The following SLC25A16 variants were observed in gnomAD, a reference collection of about 807,000 sequenced individuals.
SLC25A16 encodes solute carrier family 25 member 16.
A neutral mutation model predicts 41.5 loss-of-function variants in SLC25A16; 39 were observed. The observed-to-expected ratio is 0.94, with a 90% CI of 0.73 to 1.23. The LOEUF is 1.23. Among genes scored for constraint, SLC25A16 ranks in the 50% most tolerant of loss-of-function variants. SLC25A16 has a pLI of 0.00. For synonymous variants in SLC25A16, 146 were observed against 147.8 expected (o/e 0.99, Z 0.09); for missense variants, 421 against 426.9 (o/e 0.99, Z 0.12).
At chr10:68,503,741 T>C in intron 3 of SLC25A16, 46 bp from the exon 4 acceptor site, 1 of 1,152,806 alleles carries the variant, frequency 8.7e-7, no homozygotes, top group Non-Finnish European at 1.3e-6. Context: ...TTTTAAATGC[T>C]GCCCATTTCA....
chr10:68,521,680 G>A (rs1218111431), intron 1 of SLC25A16, among the ~76,000 whole-genome samples: 1 of 141,970 alleles, frequency 7.0e-6, no homozygotes, highest in Non-Finnish European at 1.5e-5. Flanking sequence ...TGCAAGCTCC[G>A]CCTCCCGGGT....
At chr10:68,487,578 G>T (rs549914122) in intron 7 of SLC25A16, among the ~76,000 whole-genome samples, 1 of 152,140 alleles carries the variant, frequency 6.6e-6, no homozygotes, top group African/African-American at 2.4e-5. Context: ...ATCATCCTTT[G>T]TTGTGGGGAA....
intron 4 of SLC25A16, chr10:68,496,502 A>C (rs2052751726): frequency 1.0e-6 from 1 of 984,888 alleles, no homozygotes; most frequent in African/African-American, 1.7e-5. Context: ...CAAATAGTAG[A>C]ATATGTTTAC....
chr10:68,492,105 C>T (rs1005152407), intron 6 of SLC25A16, among the ~76,000 whole-genome samples: 2 of 152,174 alleles, frequency 1.3e-5, no homozygotes, highest in Non-Finnish European at 2.9e-5. Context: ...CAGGCTTGAG[C>T]CACCACACCC....
chr10:68,509,601 G>A (rs1406023767), intron 2 of SLC25A16, among the ~76,000 whole-genome samples: 6 of 151,324 alleles, frequency 4.0e-5, no homozygotes, highest in African/African-American at 1.5e-4. Flanking sequence ...AATTCAGGAG[G>A]CTGAGGCAGG....
chr10:68,523,974 G>A (rs1250974011), intron 1 of SLC25A16, among the ~76,000 whole-genome samples: 1 of 151,600 alleles, frequency 6.6e-6, no homozygotes, highest in Non-Finnish European at 1.5e-5. Context: ...AGTGGCTCAC[G>A]CCTGTAATCC....
In SLC25A16 at chr10:68,516,862, G is replaced by A. The variant is rs373573377; in HGVS notation, c.131-19C>T. ...GCAATACCTAAAAATTTTTCAAAAG[G>A]TCAGGAAGAAATTGCGTACCATTTC... On this transcript the variant is annotated intron_variant, in intron 1 of 8. Coordinates refer to ENST00000609923, the MANE Select transcript of SLC25A16 (RefSeq NM_152707.4). The A allele has an allele frequency of 2.5e-6, 4 of 1,574,480 alleles. No homozygotes were observed. In the African/African-American group the frequency reaches 4.1e-5, roughly 16 times the overall value.
intron 1 of SLC25A16, among the ~76,000 whole-genome samples, chr10:68,519,994 G>A (rs76981521): frequency 5.7e-3 from 1 of 176 alleles, no homozygotes. Flanking sequence ...TTTTTTTCCA[G>A]GGCTGGAGTG....
At chr10:68,518,262 A>T (rs1019821212) in intron 1 of SLC25A16, 1 of 151,956 alleles carries the variant, frequency 6.6e-6, no homozygotes, top group Admixed American at 6.6e-5. Context: ...TACTAAAAAT[A>T]AAAAAATTAG....
rs1215017051 is a variant in SLC25A16 at position 68,479,369 on chromosome 10, C to A, written c.*4063G>T. 2 of 152,068 alleles carry A rather than the reference C, an allele frequency of 1.3e-5. No homozygotes were observed. The highest frequency in any genetic ancestry group is 6.6e-5 in the Admixed American group (1 of 15,260). 9.4% of individuals were successfully genotyped at this position (152,068 alleles called of 1,614,324 possible). A position where few individuals can be genotyped will look rare whatever the true frequency, so the allele number is the denominator to read the frequency against. On this transcript the variant is annotated 3_prime_UTR_variant, in exon 9 of 9. Transcript: ENST00000609923. ...TGGCACATACTCTATTAGAGAAATA[C>A]CTGGTGTTATATGCTGATTTGGGAA...
At chr10:68,516,199 A>G (rs916127194) in intron 2 of SLC25A16, among the ~76,000 whole-genome samples, 3 of 152,200 alleles carry the variant, frequency 2.0e-5, no homozygotes, top group African/African-American at 4.8e-5. Flanking sequence ...TTTTGCCACG[A>G]AAGTACACCG....
At chr10:68,484,171 T>C (rs550427179) in intron 8 of SLC25A16, among the ~76,000 whole-genome samples, 1 of 152,326 alleles carries the variant, frequency 6.6e-6, no homozygotes, top group South Asian at 2.1e-4. Flanking sequence ...AACTATTTCA[T>C]ACTTATATTT....
rs2053357468 is a variant in SLC25A16, at chr10:68,527,439, C to A, written c.-64G>T. 8 of 1,398,844 alleles carry A rather than the reference C, an allele frequency of 5.7e-6. No homozygotes were observed. The highest frequency in any genetic ancestry group is 6.5e-6 in the Non-Finnish European group (7 of 1,082,216). 86.7% of individuals were successfully genotyped at this position (1,398,844 alleles called of 1,614,324 possible). A position where few individuals can be genotyped will look rare whatever the true frequency, so the allele number is the denominator to read the frequency against. On this transcript the variant is annotated 5_prime_UTR_variant, in exon 1 of 9. Coordinates refer to ENST00000609923, the MANE Select transcript of SLC25A16 (RefSeq NM_152707.4). ...TACAGAACACCGGACGGGACCATAGCCGGAACAGGCGGTGACAGGAGGCTG... is the reference window on the plus strand; with the variant it reads ...TACAGAACACCGGACGGGACCATAGACGGAACAGGCGGTGACAGGAGGCTG...
chr10:68,505,381 G>A (rs2133553578), intron 3 of SLC25A16, among the ~76,000 whole-genome samples: 1 of 151,224 alleles, frequency 6.6e-6, no homozygotes, highest in South Asian at 2.1e-4. Flanking sequence ...AGGGAGGGAA[G>A]GAGGGAAGGG....
chr10:68,495,945 C>A (rs950552219), intron 4 of SLC25A16, among the ~76,000 whole-genome samples: 1 of 151,806 alleles, frequency 6.6e-6, no homozygotes. Context: ...AAGTGGGTAC[C>A]CAAATCAGGG....
At chr10:68,497,496 G>A (rs923298199) in intron 4 of SLC25A16, among the ~76,000 whole-genome samples, 1 of 151,980 alleles carries the variant, frequency 6.6e-6, no homozygotes. Flanking sequence ...TATGTTCTTA[G>A]AGTAGGATCT....
At position 68,480,728 on chromosome 10, in the gene SLC25A16, C is replaced by T. The variant is rs566667139; in HGVS notation, c.*2704G>A. The T allele has an allele frequency of 1.3e-5, 2 of 152,016 alleles. No individual in the cohort carries two copies. Among genetic ancestry groups the T allele is most frequent in the South Asian group, 4.1e-4 (2 of 4,826 alleles). The allele number at this position is 152,016 out of a possible 1,614,324, so 9.4% of individuals were successfully genotyped here. A position where few individuals can be genotyped will look rare whatever the true frequency, so the allele number is the denominator to read the frequency against. ...AGCCACAATGGTCTCGATTTCCTGA[C>T]CTCGTGATCCCCCCGCCTCAGCCTC... On this transcript the variant is annotated 3_prime_UTR_variant, in exon 9 of 9. Coordinates refer to ENST00000609923, the MANE Select transcript of SLC25A16 (RefSeq NM_152707.4).
At chr10:68,506,437 T>C in intron 3 of SLC25A16, 148 bp downstream of exon 3, 1 of 536,680 alleles carries the variant, frequency 1.9e-6, no homozygotes. Flanking sequence ...AGCGAGACTC[T>C]GTCTCAAAAA....
chr10:68,483,531 G>T lies in SLC25A16; in HGVS notation c.900C>A (p.Leu300=). 6.2e-7 allele frequency: 1 copy of T among 1,611,666 alleles called. No individual in the cohort carries two copies. The highest frequency in any genetic ancestry group is 8.5e-7 in the Non-Finnish European group (1 of 1,178,456). ...TGTAATTAAGAGATAAACCACGATA[G>T]AGTCCTTTTCGAATTCCATGGTGTC... is the stretch of plus-strand genomic sequence containing the variant. ...VYGHHGIRKG[L]YRGLSLNYIR... is the part of the protein sequence containing the mutation. Residue 300 remains leucine, a synonymous_variant, in exon 9 of 9, where the codon CTC becomes CTA. Coordinates refer to ENST00000609923, the MANE Select transcript of SLC25A16 (RefSeq NM_152707.4).
Sources: allele counts gnomAD v4.1 joint callset (sites outside exome capture counted in the v4.1 genomes callset), GRCh38; gene constraint gnomAD v4.1.1; transcripts MANE v1.5; gene names NCBI Gene and HGNC (gene_info 2026-07-23, HGNC 2026-07-21).